TENM1: variants seen among roughly 807,000 people sequenced by gnomAD.
TENM1 encodes the protein teneurin-1.
Under a neutral mutation model 174.8 loss-of-function variants are expected in TENM1, and 35 were observed. That is an observed-to-expected ratio of 0.20 (90% CI 0.15 to 0.27). The LOEUF is 0.27. Among genes scored for constraint, TENM1 ranks in the 10% least tolerant of loss-of-function variants. TENM1 has a pLI of 1.00. For synonymous variants in TENM1, 781 were observed against 798.7 expected (o/e 0.98, Z 0.37); for missense variants, 1,633 against 2,130.1 (o/e 0.77, Z 4.59).
intron 22 of TENM1, among the ~76,000 whole-genome samples, chrX:124,477,306 C>T (rs892206360): frequency 8.9e-6 from 1 of 112,118 alleles, no homozygotes; most frequent in African/African-American, 3.2e-5. Context: ...TATGGGTACA[C>T]TACTAGGTCA....
intron 11 of TENM1, among the ~76,000 whole-genome samples, chrX:124,609,002 A>G (rs933690115): frequency 8.1e-5 from 9 of 111,226 alleles, no homozygotes; most frequent in African/African-American, 2.9e-4. Context: ...ATACTAACAG[A>G]TATTTCATTT....
intron 21 of TENM1, among the ~76,000 whole-genome samples, chrX:124,483,747 G>T (rs1188820625): frequency 8.9e-6 from 1 of 111,944 alleles, no homozygotes; most frequent in Admixed American, 9.5e-5. Context: ...GATACACACA[G>T]CTTCTTTCTT....
At chrX:124,742,063 A>G (rs765886795) in intron 3 of TENM1, among the ~76,000 whole-genome samples, 1 of 112,196 alleles carries the variant, frequency 8.9e-6, no homozygotes, top group South Asian at 3.7e-4. Flanking sequence ...TGCCAAATAG[A>G]CATTTTTCTT....
intron 11 of TENM1, among the ~76,000 whole-genome samples, chrX:124,619,125 T>C (rs73215125): frequency 0.033 from 3,669 of 112,066 alleles, 64 homozygotes; most frequent in Admixed American, 0.043. Flanking sequence ...ATTTAATGCA[T>C]ATTGAATTGA....
chrX:124,777,025 G>A (rs780383721), intron 3 of TENM1, among the ~76,000 whole-genome samples: 2 of 110,749 alleles, frequency 1.8e-5, no homozygotes, highest in Non-Finnish European at 3.8e-5. Context: ...TTGGGTTTCC[G>A]CTTAAAATAT....
chrX:124,561,591 C>T, intron 14 of TENM1, 80 bp downstream of exon 17: 4 of 1,105,976 alleles, frequency 3.6e-6, no homozygotes, highest in African/African-American at 1.8e-5. Flanking sequence ...TCCTAATTTT[C>T]ACCCTTGGCC....
chrX:125,007,349 G>GA, the TENM1 span, among the ~76,000 whole-genome samples: 1,201 of 97,249 alleles, frequency 0.012, 27 homozygotes, highest in African/African-American at 0.039. Flanking sequence ...AAAGGAACGA[G>GA]AAAAAAAAAA....
chrX:124,417,235 GTTT>G (rs767357919), intron 25 of TENM1, among the ~76,000 whole-genome samples: 35 of 109,516 alleles, frequency 3.2e-4, no homozygotes, highest in Admixed American at 2.6e-3. Context: ...TTGAAACAGA[GTTT>G]CGCTCTTGTT....
chrX:125,119,329 C>T, the TENM1 span, among the ~76,000 whole-genome samples: 2 of 111,517 alleles, frequency 1.8e-5, no homozygotes, highest in South Asian at 3.7e-4. Context: ...GTGGTGAGAA[C>T]AGTTATTTTT....
intron 3 of TENM1, among the ~76,000 whole-genome samples, chrX:124,752,145 C>T (rs185792473): frequency 0.016 from 1,743 of 111,452 alleles, 18 homozygotes; most frequent in Non-Finnish European, 0.026. Context: ...ACATCCTCTC[C>T]AACACCTGTT....
At chrX:125,086,347 T>C in the TENM1 span, among the ~76,000 whole-genome samples, 2 of 111,075 alleles carry the variant, frequency 1.8e-5, no homozygotes, top group African/African-American at 6.5e-5. Flanking sequence ...TTGTTGAATT[T>C]ATATAAAACC....
At chrX:125,153,034 C>CT in the TENM1 span, among the ~76,000 whole-genome samples, 1 of 111,734 alleles carries the variant, frequency 8.9e-6, no homozygotes, top group Non-Finnish European at 1.9e-5. Flanking sequence ...GAGGTAAAAA[C>CT]TTTGTTTCCC....
intron 18 of TENM1, among the ~76,000 whole-genome samples, chrX:124,514,415 T>C (rs28706154): frequency 6.3e-5 from 7 of 111,181 alleles, no homozygotes; most frequent in African/African-American, 2.0e-4. Context: ...ATTCAGGTGT[T>C]GGTTTTTTGA....
chrX:124,987,048 G>A, the TENM1 span, among the ~76,000 whole-genome samples: 2 of 111,543 alleles, frequency 1.8e-5, no homozygotes, highest in Non-Finnish European at 3.8e-5. Flanking sequence ...CTATCCCTGG[G>A]TTCCTTATAC....
chrX:124,809,680 C>T (rs956596267), intron 3 of TENM1, among the ~76,000 whole-genome samples: 3 of 110,735 alleles, frequency 2.7e-5, no homozygotes, highest in African/African-American at 9.8e-5. Flanking sequence ...CTGTATTAAT[C>T]CTCACGCTGC....
intron 22 of TENM1, among the ~76,000 whole-genome samples, chrX:124,455,335 G>A (rs752723900): frequency 2.7e-5 from 3 of 111,666 alleles, no homozygotes; most frequent in African/African-American, 9.7e-5. Context: ...AAATGATGAT[G>A]GCGTATGAAC....
At chrX:124,915,571 T>A (rs1802123896) in intron 1 of TENM1, among the ~76,000 whole-genome samples, 1 of 112,619 alleles carries the variant, frequency 8.9e-6, no homozygotes, top group Non-Finnish European at 1.9e-5. Context: ...CATGTCTGTC[T>A]TGTTCATCAT....
At chrX:124,679,582 T>C (rs1208032191) in intron 5 of TENM1, among the ~76,000 whole-genome samples, 2 of 112,089 alleles carry the variant, frequency 1.8e-5, no homozygotes, top group Non-Finnish European at 3.8e-5. Context: ...AGAAACCAGG[T>C]TATCTTCCCA....
chrX:125,084,014 G>A, the TENM1 span, among the ~76,000 whole-genome samples: 3 of 111,653 alleles, frequency 2.7e-5, no homozygotes, highest in African/African-American at 9.7e-5. Flanking sequence ...GTTCTCAGCT[G>A]TTTTAGCTGT....
Sources: allele counts gnomAD v4.1 joint callset (sites outside exome capture counted in the v4.1 genomes callset), GRCh38; gene constraint gnomAD v4.1.1; transcripts MANE v1.5; gene names NCBI Gene and HGNC (gene_info 2026-07-23, HGNC 2026-07-21).